The following SASH1 variants were observed in gnomAD, a reference collection of about 807,000 sequenced individuals.
SASH1 encodes SAM and SH3 domain containing 1, also known as SAM and SH3 domain-containing protein 1.
A neutral mutation model predicts 125.2 loss-of-function variants in SASH1; 44 were observed. The observed-to-expected ratio is 0.35, with a 90% CI of 0.28 to 0.45. The LOEUF (loss-of-function observed/expected upper bound fraction) is 0.45. SASH1 is among the 20% of genes least tolerant of loss of function. The pLI is 1.00. For synonymous variants in SASH1, 639 were observed against 649.1 expected, an observed-to-expected ratio of 0.98 and a Z score of 0.24; for missense variants, 1,426 against 1,614.5, an observed-to-expected ratio of 0.88 and a Z score of 2.00.
At chr6:148,515,302 T>C (rs2115332993) in intron 9 of SASH1, among the ~76,000 whole-genome samples, 1 of 152,196 alleles carries the variant, frequency 6.6e-6, no homozygotes, top group East Asian at 1.9e-4. Context: ...CATATCTACA[T>C]TGTGAGGAAT....
At position 148,390,206 on chromosome 6, in the gene SASH1, G is replaced by A. The variant is rs772650830; in HGVS notation, c.229G>A (p.Val77Met). 36 of 1,613,152 alleles carry A rather than the reference G, an allele frequency of 2.2e-5. No homozygotes were observed. The highest frequency in any genetic ancestry group is 1.3e-4 in the South Asian group (12 of 91,044). Residue 77 changes from valine (V) to methionine (M), a missense_variant, in exon 2 of 20, where the codon GTG becomes ATG. Physicochemically the swap from Val to Met is conservative, Grantham distance 21. This residue lies in a region of SASH1 where 567 missense variants were observed against 575.6 expected (regional missense o/e 0.99). Coordinates refer to ENST00000367467, the MANE Select transcript of SASH1 (RefSeq NM_015278.5). The part of the protein sequence containing the change: ...ADYYNTCFSD[V>M]CERMEELRKR... ...TTATTACAACACCTGTTTCTCCGAC[G>A]TGTGCGAGAGGATGGAGGAGCTGCG...
At chr6:148,527,062 C>T (rs977647118) in intron 11 of SASH1, among the ~76,000 whole-genome samples, 13 of 151,762 alleles carry the variant, frequency 8.6e-5, no homozygotes, top group African/African-American at 2.7e-4. Context: ...TTAGTAGAGA[C>T]GGGGTTTCAC....
intron 7 of SASH1, chr6:148,478,655 G>A (rs1421012453): frequency 2.0e-5 from 3 of 152,192 alleles, no homozygotes; most frequent in Non-Finnish European, 4.4e-5. Context: ...ATAATATATT[G>A]TACATTTAAA....
Position 148,343,050 on chromosome 6 carries a change from C to A in SASH1, c.-18C>A, listed in dbSNP as rs1430500912. The stretch of plus-strand genomic sequence containing the variant: ...GCCGCGGGGACTGGGACGCACGGCC[C>A]GCGCGCGGGACACGGCCATGGAGGA... On this transcript the variant is annotated 5_prime_UTR_variant, in exon 1 of 20. Transcript: ENST00000367467. 1.0e-5 allele frequency: 13 copies of A among 1,272,356 alleles called. No homozygotes were observed. Among genetic ancestry groups the A allele is most frequent in the East Asian group, 6.6e-5 (2 of 30,412 alleles). The allele number at this position is 1,272,356 out of a possible 1,614,324, so 78.8% of individuals were successfully genotyped here.
At chr6:148,373,498 A>G (rs1261519494) in intron 1 of SASH1, among the ~76,000 whole-genome samples, 1 of 152,294 alleles carries the variant, frequency 6.6e-6, no homozygotes, top group East Asian at 1.9e-4. Context: ...CTTCTGTGTC[A>G]TCCTGGGGGC....
the SASH1 span, among the ~76,000 whole-genome samples, chr6:148,221,597 G>A: frequency 0.074 from 11,318 of 152,260 alleles, 510 homozygotes; most frequent in East Asian, 0.12. Flanking sequence ...ATTTACAGTG[G>A]CTACTTTAAG....
the SASH1 span, among the ~76,000 whole-genome samples, chr6:148,266,058 C>T: frequency 1.3e-5 from 2 of 152,010 alleles, no homozygotes; most frequent in Admixed American, 6.5e-5. Flanking sequence ...CTGCAGCCTC[C>T]GCCTCCCAGA....
At position 148,376,495 on chromosome 6, in the gene SASH1, G is replaced by A. The variant is rs560419552; in HGVS notation, c.157-13639G>A. On this transcript the variant is annotated intron_variant, in intron 1 of 19. Transcript: ENST00000367467. ...CTTCTGGGTGGGGCTTATTGTAAGC[G>A]CTCATCACCACAAAAGGAATATATG... is the stretch of plus-strand genomic sequence containing the variant. Among the ~76,000 whole-genome samples, 14 of 152,206 alleles carry A rather than the reference G, an allele frequency of 9.2e-5. 1 individual carries two copies. Among genetic ancestry groups the A allele is most frequent in the South Asian group, 4.1e-4 (2 of 4,826 alleles).
intron 8 of SASH1, among the ~76,000 whole-genome samples, 198 bp downstream of exon 8, chr6:148,487,913 G>T (rs1778948990): frequency 2.7e-5 from 4 of 148,130 alleles, no homozygotes; most frequent in South Asian, 4.3e-4. Flanking sequence ...TCATGCTGGG[G>T]TTTTGTTTTT....
At chr6:148,327,572 T>C (rs1397919034) in intron 1 of SASH1, among the ~76,000 whole-genome samples, 2 of 149,926 alleles carry the variant, frequency 1.3e-5, no homozygotes, top group Non-Finnish European at 3.0e-5. Context: ...CGTGAGCCAC[T>C]GCGCCCGGCC....
At chr6:148,342,281 T>G (rs2114629086), upstream of SASH1, among the ~76,000 whole-genome samples, 1 of 152,280 alleles carries the variant, frequency 6.6e-6, no homozygotes, top group East Asian at 1.9e-4. Flanking sequence ...GATTTGTAAT[T>G]CCTTGGGTCG....
Position 148,533,090 on chromosome 6 carries a change from C to G in SASH1, c.1734+124C>G. 1 of 1,051,856 alleles carries G rather than the reference C, an allele frequency of 9.5e-7. No individual in the cohort carries two copies. Among genetic ancestry groups the G allele is most frequent in the Non-Finnish European group, 1.4e-6 (1 of 713,044 alleles). The allele number at this position is 1,051,856 out of a possible 1,614,324, so 65.2% of individuals were successfully genotyped here. A position where few individuals can be genotyped will look rare whatever the true frequency, so the allele number is the denominator to read the frequency against. On this transcript the variant is annotated intron_variant, in intron 14 of 19. Transcript: ENST00000367467. This position sits in a 1 kb window ranked among gnomAD's most constrained non-coding sequence, Gnocchi z 6.2. ...ACAGACTGGACAGTATCTTGGCTAC[C>G]TCGATCACTGGTCTCCTCTGTAGTG... is the stretch of plus-strand genomic sequence containing the variant.
At chr6:148,447,692 TCTTCTCCTCTTCCTC>T (rs1457663458) in intron 4 of SASH1, among the ~76,000 whole-genome samples, 6 of 151,200 alleles carry the variant, frequency 4.0e-5, no homozygotes, top group Non-Finnish European at 5.9e-5. Context: ...TTCTTCTTCC[TCTTCTCCTCTTCCTC>T]CTTCTCCTCC....
At chr6:148,443,579 C>T (rs1776649677) in intron 4 of SASH1, among the ~76,000 whole-genome samples, 1 of 106,476 alleles carries the variant, frequency 9.4e-6, no homozygotes, top group Admixed American at 9.7e-5. Context: ...AAACTTTTAC[C>T]TGTTGGTTTT....
At position 148,377,182 on chromosome 6, in the gene SASH1, A is replaced by AC. The variant is rs1377293518; in HGVS notation, c.157-12952_157-12951insC. 1.3e-4 allele frequency among the ~76,000 whole-genome samples: 9 copies of AC among 69,114 alleles called. No individual in the cohort carries two copies. The East Asian group carries it at 1.7e-3, about 13-fold the overall frequency. The allele number at this position is 69,114 out of a possible 152,430, so 45.3% of individuals were successfully genotyped here. A position where few individuals can be genotyped will look rare whatever the true frequency, so the allele number is the denominator to read the frequency against. On this transcript the variant is annotated intron_variant, in intron 1 of 19. Transcript: ENST00000367467. ...GAGACTCCGTCTCAAAAAAAAAAAA[A>AC]ACAAAAAAAAAACAAAAAAAAAACA... is the stretch of plus-strand genomic sequence containing the variant.
chr6:148,487,735 G>C lies in SASH1; in HGVS notation c.729+20G>C. ...TGCAATGTGAGTTTATCATGTCTTT[G>C]ACATCTTGATCACCTACGCCGATAA... On this transcript the variant is annotated intron_variant, in intron 8 of 19. Transcript: ENST00000367467. 1 of 1,538,758 alleles carries C rather than the reference G, an allele frequency of 6.5e-7. No homozygotes were observed. The highest frequency in any genetic ancestry group is 1.7e-5 in the Admixed American group (1 of 59,576).
chr6:148,368,777 C>CACACACACACACACACACACACACACAT (rs779992595), intron 1 of SASH1, among the ~76,000 whole-genome samples: 27 of 151,574 alleles, frequency 1.8e-4, no homozygotes, highest in Admixed American at 1.2e-3. Flanking sequence ...CGCGCACACA[C>CACACACACACACACACACACACACACAT]ACACACACAC....
At chr6:148,461,131 G>T (rs765701026) in intron 4 of SASH1, among the ~76,000 whole-genome samples, 2 of 152,102 alleles carry the variant, frequency 1.3e-5, no homozygotes, top group Non-Finnish European at 2.9e-5. Flanking sequence ...TCCATTAAGG[G>T]GTACTGTTTT....
At chr6:148,455,117 C>T (rs1777274389) in intron 4 of SASH1, among the ~76,000 whole-genome samples, 1 of 152,188 alleles carries the variant, frequency 6.6e-6, no homozygotes, top group African/African-American at 2.4e-5. Flanking sequence ...CCTGGCCTCT[C>T]CTAGGCCAAG....
Sources: gnomAD v4.1 joint callset for allele counts (sites outside exome capture counted in the v4.1 genomes callset) on GRCh38, gnomAD v4.1.1 for gene constraint, gnomAD v4.1.1 regional missense constraint, Gnocchi (gnomAD v3.1) non-coding constraint, MANE v1.5 for transcripts, NCBI Gene and HGNC (gene_info 2026-07-23, HGNC 2026-07-21) for gene names.